Variants in LRBA observed in about 807,000 individuals in gnomAD.
The protein encoded by LRBA is LPS responsive beige-like anchor protein, also known as lipopolysaccharide-responsive and beige-like anchor protein.
LRBA carries 176 observed loss-of-function variants against 330.0 expected under a neutral mutation model. The ratio of observed to expected loss-of-function variants is 0.53; its 90% CI spans 0.47 to 0.60. The LOEUF is 0.60. Among genes scored for constraint, LRBA ranks in the 20% least tolerant of loss-of-function variants. The probability of loss-of-function intolerance (pLI) is 0.00; values close to 1 mark genes in which losing one functional copy is unlikely to be tolerated. For missense variants in LRBA, 3,259 were observed against 3,444.8 expected, an observed-to-expected ratio of 0.95 and a Z score of 1.35; for synonymous variants, 1,230 against 1,193.0, an observed-to-expected ratio of 1.03 and a Z score of -0.64.
At chr4:150,884,632 A>G (rs936767596) in intron 17 of LRBA, among the ~76,000 whole-genome samples, 2 of 152,206 alleles carry the variant, frequency 1.3e-5, no homozygotes, top group African/African-American at 4.8e-5. Context: ...TGGGCAGAGA[A>G]AAGTCAGAGC....
chr4:150,489,072 T>C (rs1238335626), intron 41 of LRBA, among the ~76,000 whole-genome samples: 3 of 105,384 alleles, frequency 2.8e-5, no homozygotes, highest in African/African-American at 4.4e-5. Flanking sequence ...TATAATATAT[T>C]ATATATAATA....
At chr4:150,398,897 G>A (rs1745107181) in intron 47 of LRBA, among the ~76,000 whole-genome samples, 1 of 152,100 alleles carries the variant, frequency 6.6e-6, no homozygotes, top group African/African-American at 2.4e-5. Flanking sequence ...AGAGTGCCGG[G>A]ATTTACAGGT....
At position 150,389,374 on chromosome 4, in the gene LRBA, TAA is replaced by T. The variant is rs1430876922; in HGVS notation, c.7194+26062_7194+26063del. Among the ~76,000 whole-genome samples, 239 of 150,158 alleles carry T rather than the reference TAA, an allele frequency of 1.6e-3. 4 individuals carry two copies. Among genetic ancestry groups the T allele is most frequent in the African/African-American group, 5.5e-3 (226 of 40,838 alleles). ...GTCTCTAAATAAATAAATAAATAAA[TAA>T]ATAAATACTCCATAGGAGATTAGGT... On this transcript the variant is annotated intron_variant, in intron 47 of 56. Coordinates refer to ENST00000651943, the MANE Select transcript of LRBA (RefSeq NM_001364905.1).
chr4:150,372,344 G>T (rs1050663272), intron 47 of LRBA, among the ~76,000 whole-genome samples: 3 of 151,810 alleles, frequency 2.0e-5, no homozygotes, highest in Non-Finnish European at 2.9e-5. Context: ...GCATGGTGAC[G>T]CATGCCTGTA....
At chr4:150,805,478 G>GAAAGGAAAGA (rs1353834631) in intron 33 of LRBA, among the ~76,000 whole-genome samples, 4 of 137,046 alleles carry the variant, frequency 2.9e-5, no homozygotes, top group Admixed American at 2.3e-4. Flanking sequence ...GAAAGGAAAG[G>GAAAGGAAAGA]AAAGGAAAGG....
At chr4:150,480,464 T>C (rs919778692) in intron 42 of LRBA, among the ~76,000 whole-genome samples, 1 of 151,992 alleles carries the variant, frequency 6.6e-6, no homozygotes, top group South Asian at 2.1e-4. Flanking sequence ...AAAAATTGTA[T>C]GATGTAATAG....
chr4:150,470,504 A>G (rs530423472), intron 43 of LRBA, among the ~76,000 whole-genome samples: 54 of 152,066 alleles, frequency 3.6e-4, no homozygotes, highest in African/African-American at 1.3e-3. Context: ...TTTCCTCTCT[A>G]TGCAGATGAA....
chr4:150,933,944 A>G (rs1250533161), intron 2 of LRBA, among the ~76,000 whole-genome samples: 1 of 151,934 alleles, frequency 6.6e-6, no homozygotes, highest in Non-Finnish European at 1.5e-5. Context: ...GAATGGCTTG[A>G]GTCCGAAAGG....
intron 51 of LRBA, chr4:150,311,435 T>A (rs903770496): frequency 6.6e-6 from 1 of 152,204 alleles, no homozygotes; most frequent in Non-Finnish European, 1.5e-5. Context: ...CTATTCATTG[T>A]ATGTAATAAC....
intron 56 of LRBA, among the ~76,000 whole-genome samples, chr4:150,275,700 C>T (rs1427379218): frequency 6.6e-6 from 1 of 152,132 alleles, no homozygotes; most frequent in African/African-American, 2.4e-5. Context: ...CAATTAAATA[C>T]CTAGGAATCT....
intron 47 of LRBA, among the ~76,000 whole-genome samples, chr4:150,359,092 GAATATAAAGCATTA>G (rs1738296986): frequency 6.6e-6 from 1 of 152,180 alleles, no homozygotes; most frequent in Non-Finnish European, 1.5e-5. Context: ...AAAAGTTGCT[GAATATAAAGCATTA>G]AGTTCTGCCA....
chr4:150,483,859 A>G (rs1057003057), intron 42 of LRBA, among the ~76,000 whole-genome samples: 4 of 152,214 alleles, frequency 2.6e-5, no homozygotes, highest in African/African-American at 7.2e-5. Flanking sequence ...ATACATTTTC[A>G]AATTTATCTA....
rs7669245 is a variant in LRBA, at chr4:150,696,663, G to C, written c.5755-12946C>G. ...ATAAACTATGAGATAACTGCTCAAA[G>C]AGTTATAGACAGTATGTTTGGAAAG... On this transcript the variant is annotated intron_variant, in intron 36 of 56. Transcript: ENST00000651943. Among the ~76,000 whole-genome samples, 698 of 152,196 alleles carry C rather than the reference G, an allele frequency of 4.6e-3. 6 individuals carry two copies. Among genetic ancestry groups the C allele is most frequent in the African/African-American group, 0.016 (667 of 41,524 alleles).
At chr4:150,612,365 G>T (rs941955340) in intron 37 of LRBA, among the ~76,000 whole-genome samples, 3 of 152,024 alleles carry the variant, frequency 2.0e-5, no homozygotes, top group African/African-American at 7.2e-5. Flanking sequence ...TAACATAAAA[G>T]AAAAATATAT....
At chr4:150,708,323 T>C (rs762330843) in intron 36 of LRBA, among the ~76,000 whole-genome samples, 1 of 151,882 alleles carries the variant, frequency 6.6e-6, no homozygotes, top group Non-Finnish European at 1.5e-5. Context: ...TCTGGTCTTC[T>C]ATCAAGGTTG....
intron 41 of LRBA, among the ~76,000 whole-genome samples, 169 bp downstream of exon 41, chr4:150,490,749 A>G (rs2152103453): frequency 6.6e-6 from 1 of 152,068 alleles, no homozygotes; most frequent in African/African-American, 2.4e-5. Context: ...ATTAATAATC[A>G]AGGTGGGAAA....
At chr4:150,565,406 C>G (rs1440022699) in intron 40 of LRBA, among the ~76,000 whole-genome samples, 1 of 151,978 alleles carries the variant, frequency 6.6e-6, no homozygotes, top group Non-Finnish European at 1.5e-5. Context: ...GGGCTTAAAA[C>G]CTAGGTGATG....
intron 14 of LRBA, among the ~76,000 whole-genome samples, chr4:150,898,260 T>C (rs1270151959): frequency 6.6e-6 from 1 of 152,128 alleles, no homozygotes; most frequent in Non-Finnish European, 1.5e-5. Flanking sequence ...TCTACTGTTA[T>C]CATTATATAA....
At chr4:150,431,810 C>A (rs1750420679) in intron 46 of LRBA, among the ~76,000 whole-genome samples, 2 of 151,786 alleles carry the variant, frequency 1.3e-5, no homozygotes. Flanking sequence ...AGAATAAAAA[C>A]CATCATTGAG....
Sources: gnomAD v4.1 joint callset for allele counts (sites outside exome capture counted in the v4.1 genomes callset) on GRCh38, gnomAD v4.1.1 for gene constraint, MANE v1.5 for transcripts, NCBI Gene and HGNC (gene_info 2026-07-23, HGNC 2026-07-21) for gene names.